The following CSGALNACT1 variants were observed in gnomAD, a reference collection of about 807,000 sequenced individuals.
CSGALNACT1 encodes beta4GalNAcT-1.
Under a neutral mutation model 51.0 loss-of-function variants are expected in CSGALNACT1, and 52 were observed. The ratio of observed to expected loss-of-function variants is 1.02; its 90% confidence interval spans 0.82 to 1.29. CSGALNACT1 has a LOEUF of 1.29. CSGALNACT1 is among the 50% of genes most tolerant of loss of function. The pLI, the probability that CSGALNACT1 is intolerant of heterozygous loss-of-function variation, is 0.00. For synonymous variants in CSGALNACT1, 341 were observed against 254.4 expected, an observed-to-expected ratio of 1.34 and a Z score of -3.24; for missense variants, 935 against 679.2, an observed-to-expected ratio of 1.38 and a Z score of -4.19.
At chr8:19,687,360 G>T (rs185374801), upstream of CSGALNACT1, among the ~76,000 whole-genome samples, 1 of 152,156 alleles carries the variant, frequency 6.6e-6, no homozygotes, top group African/African-American at 2.4e-5. Context: ...TGACCCATCA[G>T]AAGTTTTGCT....
chr8:19,733,497 G>A (rs1406443721), intron 1 of CSGALNACT1, among the ~76,000 whole-genome samples: 1 of 152,186 alleles, frequency 6.6e-6, no homozygotes, highest in Non-Finnish European at 1.5e-5. Flanking sequence ...AACTTTCTGA[G>A]TTAGGAGCCA....
At chr8:19,752,980 T>C (rs2065134920) in intron 1 of CSGALNACT1, among the ~76,000 whole-genome samples, 1 of 152,166 alleles carries the variant, frequency 6.6e-6, no homozygotes, top group South Asian at 2.1e-4. Context: ...TCCTCTCAAC[T>C]CAGCCATCCA....
chr8:19,438,710 C>G (rs1159596226), intron 6 of CSGALNACT1, among the ~76,000 whole-genome samples: 1 of 152,154 alleles, frequency 6.6e-6, no homozygotes, highest in Non-Finnish European at 1.5e-5. Context: ...AACGGGCATG[C>G]CTGCATTCCA....
chr8:19,676,543 C>T (rs1390057155), intron 1 of CSGALNACT1, among the ~76,000 whole-genome samples: 9 of 152,116 alleles, frequency 5.9e-5, no homozygotes, highest in East Asian at 3.9e-4. Context: ...AAAGACTGAA[C>T]GATTATAATA....
intron 1 of CSGALNACT1, among the ~76,000 whole-genome samples, chr8:19,734,433 C>T (rs2063854037): frequency 6.6e-6 from 1 of 152,170 alleles, no homozygotes; most frequent in Non-Finnish European, 1.5e-5. Flanking sequence ...GACAAATGCC[C>T]AGCCATGACT....
intron 1 of CSGALNACT1, among the ~76,000 whole-genome samples, chr8:19,702,028 G>A (rs1383759903): frequency 6.6e-6 from 1 of 152,130 alleles, no homozygotes; most frequent in Non-Finnish European, 1.5e-5. Context: ...TTACAGGTCT[G>A]GCAAACATTT....
At chr8:19,434,880 G>A (rs1436501377) in intron 6 of CSGALNACT1, among the ~76,000 whole-genome samples, 2 of 151,428 alleles carry the variant, frequency 1.3e-5, no homozygotes, top group African/African-American at 4.8e-5. Flanking sequence ...TCAAATTTCT[G>A]AAAATGGACA....
At chr8:19,730,225 C>G (rs2063615642) in intron 1 of CSGALNACT1, among the ~76,000 whole-genome samples, 1 of 147,640 alleles carries the variant, frequency 6.8e-6, no homozygotes, top group East Asian at 2.0e-4. Context: ...CACTCAATGT[C>G]CCCGTTCCTA....
intron 2 of CSGALNACT1, among the ~76,000 whole-genome samples, chr8:19,598,763 T>G (rs1037803965): frequency 6.6e-6 from 1 of 152,198 alleles, no homozygotes; most frequent in Non-Finnish European, 1.5e-5. Flanking sequence ...AGGAGACGAC[T>G]GCGCAAACAA....
At chr8:19,623,077 C>T (rs1326733143) in intron 1 of CSGALNACT1, among the ~76,000 whole-genome samples, 3 of 152,082 alleles carry the variant, frequency 2.0e-5, no homozygotes, top group Non-Finnish European at 2.9e-5. Flanking sequence ...AAAAAAGAGG[C>T]ATACCTTCAA....
intron 3 of CSGALNACT1, among the ~76,000 whole-genome samples, chr8:19,507,851 T>G (rs191061804): frequency 6.6e-6 from 1 of 152,172 alleles, no homozygotes; most frequent in South Asian, 2.1e-4. Context: ...ATGGTCTCTA[T>G]CTCCTGACCT....
intron 4 of CSGALNACT1, among the ~76,000 whole-genome samples, chr8:19,465,589 C>T (rs1279912815): frequency 1.3e-5 from 2 of 152,204 alleles, no homozygotes; most frequent in Admixed American, 6.5e-5. Flanking sequence ...TATGCTTCCA[C>T]CTTCCCCTTT....
intron 3 of CSGALNACT1, among the ~76,000 whole-genome samples, chr8:19,578,725 C>T (rs4415334): frequency 0.47 from 72,046 of 151,876 alleles, 18,058 homozygotes; most frequent in East Asian, 0.76. Flanking sequence ...TTCTCTCTCC[C>T]GATTCCTCAG....
At chr8:19,541,816 T>G (rs1427084753) in intron 3 of CSGALNACT1, among the ~76,000 whole-genome samples, 1 of 152,140 alleles carries the variant, frequency 6.6e-6, no homozygotes, top group African/African-American at 2.4e-5. Context: ...TCTTCAATGT[T>G]TCTATTTTCC....
chr8:19,666,805 AAGAAAGAGAGAGAG>A (rs2059241754), intron 1 of CSGALNACT1, among the ~76,000 whole-genome samples: 1 of 21,102 alleles, frequency 4.7e-5, no homozygotes, highest in Non-Finnish European at 8.0e-5. Context: ...GAAAGAAAGA[AAGAAAGAGAGAGAG>A]AGAGAGAGAG....
chr8:19,502,270 T>C (rs916741689), intron 4 of CSGALNACT1, among the ~76,000 whole-genome samples: 1 of 152,186 alleles, frequency 6.6e-6, no homozygotes, highest in Non-Finnish European at 1.5e-5. Flanking sequence ...GCTTTGTATT[T>C]TGCAGACAAG....
intron 3 of CSGALNACT1, among the ~76,000 whole-genome samples, chr8:19,536,336 A>T (rs1343047222): frequency 2.7e-5 from 3 of 111,104 alleles, no homozygotes; most frequent in East Asian, 2.2e-4. Context: ...AAAATTTTGT[A>T]AAAAATGTTA....
chr8:19,423,134 T>C (rs772287701), intron 6 of CSGALNACT1, among the ~76,000 whole-genome samples: 7 of 152,098 alleles, frequency 4.6e-5, no homozygotes, highest in Non-Finnish European at 8.8e-5. Flanking sequence ...ACTACAAAAA[T>C]ACCTGAACAA....
At chr8:19,555,738 C>T (rs4563899) in intron 3 of CSGALNACT1, among the ~76,000 whole-genome samples, 43,935 of 151,974 alleles carry the variant, frequency 0.29, 7,152 homozygotes, top group African/African-American at 0.46. Flanking sequence ...TTTCTACTCA[C>T]AATTGCTTAT....
Sources: gnomAD v4.1 joint callset for allele counts (sites outside exome capture counted in the v4.1 genomes callset) on GRCh38, gnomAD v4.1.1 for gene constraint, MANE v1.5 for transcripts, NCBI Gene and HGNC (gene_info 2026-07-23, HGNC 2026-07-21) for gene names.